Variants in CCAR2 observed in about 807,000 individuals in gnomAD.
CCAR2 encodes the protein cell cycle and apoptosis regulator protein 2.
CCAR2 carries 21 observed loss-of-function variants against 108.1 expected under a neutral mutation model. That is an observed-to-expected ratio of 0.19 (90% CI 0.14 to 0.28). CCAR2 has a LOEUF of 0.28. Among genes scored for constraint, CCAR2 ranks in the 10% least tolerant of loss-of-function variants. The probability of loss-of-function intolerance (pLI) is 1.00; values close to 1 mark genes in which losing one functional copy is unlikely to be tolerated. For synonymous variants in CCAR2, 577 were observed against 472.8 expected (o/e 1.22, Z -2.86); for missense variants, 1,126 against 1,177.0 (o/e 0.96, Z 0.63).
intron 6 of CCAR2, 142 bp downstream of exon 6, chr8:22,607,467 GTTTTTT>G (rs34256757): frequency 1.4e-4 from 58 of 403,546 alleles, no homozygotes; most frequent in East Asian, 2.8e-4. Flanking sequence ...GGTGTTTAGG[GTTTTTT>G]TTTTTTTTTT....
intron 14 of CCAR2, among the ~76,000 whole-genome samples, chr8:22,616,866 C>CTTTTTTTTTTTTT (rs36086286): frequency 1.8e-5 from 1 of 54,716 alleles, no homozygotes. Context: ...TACTAGTCTG[C>CTTTTTTTTTTTTT]TTTTTTTTTT....
intron 7 of CCAR2, among the ~76,000 whole-genome samples, chr8:22,611,386 A>ATGTGTGTGTGTG (rs200942064): frequency 0.016 from 148 of 9,024 alleles, no homozygotes; most frequent in African/African-American, 0.043. Context: ...AAAAGTATAT[A>ATGTGTGTGTGTG]TATGTGTGTG....
At chr8:22,616,437 A>G (rs1352879301) in intron 14 of CCAR2, 189 bp downstream of exon 14, 4 of 607,014 alleles carry the variant, frequency 6.6e-6, no homozygotes, top group South Asian at 2.0e-5. Flanking sequence ...TGCAGGGAGC[A>G]TGGCTGAGCA....
chr8:22,618,695 C>T lies in CCAR2; in HGVS notation c.2299C>T (p.Leu767=). Residue 767 remains leucine, a synonymous_variant, in exon 18 of 21, where the codon CTG becomes TTG. Transcript: ENST00000308511. ...CCTTCAGTACAGCCGCCAGGAGGGC[C>T]TGGATGGTGGCCTTCCCGAGGAGGT... is the stretch of plus-strand genomic sequence containing the variant. ...RSLQYSRQEG[L]DGGLPEEVLF... is the part of the protein sequence containing the mutation. 1 of 1,614,084 alleles carries T rather than the reference C, an allele frequency of 6.2e-7. No individual in the cohort carries two copies. The highest frequency in any genetic ancestry group is 8.5e-7 in the Non-Finnish European group (1 of 1,180,024).
At chr8:22,617,150 G>A (rs1801554320) in intron 14 of CCAR2, among the ~76,000 whole-genome samples, 1 of 151,852 alleles carries the variant, frequency 6.6e-6, no homozygotes, top group Non-Finnish European at 1.5e-5. Flanking sequence ...ATGGCCAGCT[G>A]CTGCTTGTTT....
rs758686178 is a variant in CCAR2, at chr8:22,606,155, C to G, written c.129C>G (p.Ser43=). 33 of 1,613,926 alleles carry G rather than the reference C, an allele frequency of 2.0e-5. No individual in the cohort carries two copies. Among genetic ancestry groups the G allele is most frequent in the Admixed American group, 1.0e-4 (6 of 60,006 alleles). The change falls in exon 3 of 21, where the codon TCC becomes TCG. Residue 43 remains serine (S), a synonymous_variant. Coordinates refer to ENST00000308511, the MANE Select transcript of CCAR2 (RefSeq NM_001393997.1). The part of the protein sequence containing the change: ...LLTPPVATEL[S]QNARHLQGGE... ...CTCCTCCTGTGGCCACAGAACTGTC[C>G]CAGAATGCCAGGCACCTTCAGGTAG...
Position 22,614,405 on chromosome 8 carries a change from T to TC in CCAR2, c.947dup (p.Leu318ValfsTer14), listed in dbSNP as rs747517222. On this transcript the variant is annotated frameshift_variant, in exon 10 of 21. Coordinates refer to ENST00000308511, the MANE Select transcript of CCAR2 (RefSeq NM_001393997.1). LOFTEE classifies it high-confidence loss of function. ...TCCTGCACAGGTACTGCTGCTCTCTTCCCCGGGGTTGGAGGAATTGTATCG... is the reference window on the plus strand; with the variant it reads ...TCCTGCACAGGTACTGCTGCTCTCTTCCCCCGGGGTTGGAGGAATTGTATCG... 1.2e-6 allele frequency: 2 copies of TC among 1,614,122 alleles called. No homozygotes were observed. The highest frequency in any genetic ancestry group is 1.7e-6 in the Non-Finnish European group (2 of 1,180,014).
chr8:22,618,516 C>T (rs148055644), intron 17 of CCAR2, 21 bp downstream of exon 17: 5 of 1,614,142 alleles, frequency 3.1e-6, no homozygotes, highest in Non-Finnish European at 2.5e-6. Flanking sequence ...TCCTCTGCCC[C>T]AGCACATGGG....
intron 10 of CCAR2, 89 bp from the exon 11 acceptor site, chr8:22,614,749 C>T (rs761674375): frequency 6.4e-7 from 1 of 1,573,198 alleles, no homozygotes; most frequent in Non-Finnish European, 8.7e-7. Flanking sequence ...TTCCGGCTGC[C>T]TTCATCCTGA....
chr8:22,615,193 A>G (rs1801451689), intron 11 of CCAR2, 192 bp downstream of exon 11: 3 of 893,330 alleles, frequency 3.4e-6, no homozygotes, highest in Non-Finnish European at 5.0e-6. Flanking sequence ...TGCACTTGAG[A>G]CTCCCTGGAG....
In CCAR2 at chr8:22,619,732, A is replaced by G. The variant is rs371148917; in HGVS notation, c.*50A>G. ...TGTGAGGGCAGCGGTGGCGCCCGGC[A>G]AAGTTGGAGCCCTTGCGGTACCAGA... On this transcript the variant is annotated 3_prime_UTR_variant, in exon 21 of 21. Coordinates refer to ENST00000308511, the MANE Select transcript of CCAR2 (RefSeq NM_001393997.1). 1.3e-5 allele frequency: 20 copies of G among 1,543,472 alleles called. No individual in the cohort carries two copies. In the East Asian group the frequency reaches 2.2e-4, roughly 17 times the overall value.
chr8:22,615,289 C>CTGT, intron 11 of CCAR2, 136 bp from the exon 12 acceptor site: 2 of 1,127,260 alleles, frequency 1.8e-6, no homozygotes, highest in Non-Finnish European at 2.5e-6. Context: ...TGTAGCTTTC[C>CTGT]TGTTGTGTCT....
intron 7 of CCAR2, among the ~76,000 whole-genome samples, chr8:22,611,414 GTA>G (rs1434520672): frequency 4.1e-4 from 55 of 134,296 alleles, no homozygotes; most frequent in Middle Eastern, 7.6e-3. Context: ...GTATGTGTGT[GTA>G]TATATGTGTG....
At chr8:22,618,219 C>T in intron 16 of CCAR2, 130 bp from the exon 17 acceptor site, 3 of 1,226,670 alleles carry the variant, frequency 2.4e-6, no homozygotes, top group Non-Finnish European at 3.5e-6. Context: ...GCCTCCCCAG[C>T]AGCTGGGACT....
intron 7 of CCAR2, 109 bp from the exon 8 acceptor site, chr8:22,612,908 A>G (rs1422915051): frequency 9.9e-6 from 12 of 1,216,830 alleles, no homozygotes; most frequent in East Asian, 7.4e-5. Context: ...TTCTTTTTCC[A>G]TTTATTGAAT....
intron 7 of CCAR2, among the ~76,000 whole-genome samples, chr8:22,611,135 C>T (rs890921620): frequency 1.5e-4 from 22 of 151,344 alleles, no homozygotes; most frequent in East Asian, 9.7e-4. Flanking sequence ...CTGAGGCGGG[C>T]GGATTACTTG....
At chr8:22,612,275 CT>C (rs529879728) in intron 7 of CCAR2, among the ~76,000 whole-genome samples, 19 of 138,656 alleles carry the variant, frequency 1.4e-4, no homozygotes, top group East Asian at 2.2e-4. Flanking sequence ...ATAAAATTTA[CT>C]TTTTTTTTTT....
chr8:22,605,001 G>C (rs1241266906), intron 1 of CCAR2, 159 bp downstream of exon 1: 1 of 309,690 alleles, frequency 3.2e-6, no homozygotes, highest in South Asian at 2.4e-5. Flanking sequence ...CAACGGCCTC[G>C]GCCTTGGGGG....
At chr8:22,616,693 G>C (rs965162722) in intron 14 of CCAR2, 1 of 174,120 alleles carries the variant, frequency 5.7e-6, no homozygotes. Context: ...GTGCATGCCT[G>C]TTTTCTCAGC....
Sources: allele counts gnomAD v4.1 joint callset (sites outside exome capture counted in the v4.1 genomes callset), GRCh38; gene constraint gnomAD v4.1.1; transcripts MANE v1.5; gene names NCBI Gene and HGNC (gene_info 2026-07-23, HGNC 2026-07-21).